MAPK8IP2: variants seen among roughly 807,000 people sequenced by gnomAD.
MAPK8IP2 encodes mitogen-activated protein kinase 8 interacting protein 2.
Under a neutral mutation model 75.6 loss-of-function variants are expected in MAPK8IP2, and 15 were observed. The observed-to-expected ratio is 0.20, with a 90% CI of 0.13 to 0.31. The LOEUF is 0.31. MAPK8IP2 is among the 10% of genes least tolerant of loss of function. The pLI is 1.00. For missense variants in MAPK8IP2, 1,089 were observed against 1,211.2 expected (o/e 0.90, Z 1.50); for synonymous variants, 632 against 554.5 (o/e 1.14, Z -1.96).
In MAPK8IP2 at chr22:50,606,955, A is replaced by G. The variant is rs1285655505; in HGVS notation, c.2267A>G (p.Asn756Ser). 1.2e-6 allele frequency: 2 copies of G among 1,613,734 alleles called. No individual in the cohort carries two copies. Among genetic ancestry groups the G allele is most frequent in the African/African-American group, 2.7e-5 (2 of 74,922 alleles). The change falls in exon 10 of 12, where the codon AAC becomes AGC. Residue 756 changes from asparagine (N) to serine (S), a missense_variant. This residue lies in a region of MAPK8IP2 where 129 missense variants were observed against 201.7 expected (regional missense o/e 0.64). Coordinates refer to ENST00000329492, the MANE Select transcript of MAPK8IP2 (RefSeq NM_012324.6). Reference sequence around the variant, plus strand: ...TGCAGCCATTTCTTCCAGATGAAGAACATCTCCTTCTGCGGCTGCCATCCC... The same window carrying G: ...TGCAGCCATTTCTTCCAGATGAAGAGCATCTCCTTCTGCGGCTGCCATCCC... ...QRCSHFFQMK[N>S]ISFCGCHPRN...
At chr22:50,601,584 G>C (rs917383845) in intron 1 of MAPK8IP2, 12 of 547,116 alleles carry the variant, frequency 2.2e-5, no homozygotes, top group Middle Eastern at 1.0e-3. Flanking sequence ...TGGCTCCTCC[G>C]GGCAGGCCTG....
In MAPK8IP2 at chr22:50,605,593, C is replaced by G. The variant is rs752799948; in HGVS notation, c.1873C>G (p.Leu625Val). The change falls in exon 7 of 12, where the codon CTG becomes GTG. Residue 625 changes from leucine (L) to valine (V), a missense_variant. Around this residue, in one of 2 missense-constraint regions of MAPK8IP2, gnomAD observed 960 missense variants for 1,009.6 expected, o/e 0.95. Transcript: ENST00000329492. ...FIPRHPDELE[L>V]DVDDPVLVEA... ...CCCGCGGCATCCAGACGAGCTGGAG[C>G]TGGATGTGGATGACCCTGTGTTGGT... The G allele has an allele frequency of 1.0e-5, 16 of 1,597,766 alleles. No homozygotes were observed. The highest frequency in any genetic ancestry group is 1.3e-5 in the African/African-American group (1 of 74,564).
In MAPK8IP2 at chr22:50,607,366, G is replaced by T. The variant is rs1000076481; in HGVS notation, c.2303+375G>T. Reference sequence around the variant, plus strand: ...GGGGTCTAGCTGAGCCAAGGGTGTGGGATGCACTGGTCGGGGGCTATATAG... The same window carrying T: ...GGGGTCTAGCTGAGCCAAGGGTGTGTGATGCACTGGTCGGGGGCTATATAG... On this transcript the variant is annotated intron_variant, in intron 10 of 11. Coordinates refer to ENST00000329492, the MANE Select transcript of MAPK8IP2 (RefSeq NM_012324.6). This position sits in a 1 kb window ranked among gnomAD's most constrained non-coding sequence, Gnocchi z 5.6. 2.6e-5 allele frequency among the ~76,000 whole-genome samples: 4 copies of T among 152,206 alleles called. No homozygotes were observed. Among genetic ancestry groups the T allele is most frequent in the African/African-American group, 9.7e-5 (4 of 41,444 alleles).
Position 50,605,718 on chromosome 22 carries a change from T to A in MAPK8IP2, c.1998T>A (p.Pro666=). The stretch of plus-strand genomic sequence containing the variant: ...TCTACGCCCATGCGGTGCCCGGCCC[T>A]GCCAAGGACCTGCTGGGTGAGGTCC... ...PAFYAHAVPG[P]AKDLLGSKRS... is the part of the protein sequence containing the mutation. Residue 666 remains proline (P), a synonymous_variant, in exon 7 of 12, where the codon CCT becomes CCA. Transcript: ENST00000329492. 1 of 1,609,326 alleles carries A rather than the reference T, an allele frequency of 6.2e-7. No individual in the cohort carries two copies. The highest frequency in any genetic ancestry group is 1.3e-5 in the African/African-American group (1 of 75,024).
At position 50,604,439 on chromosome 22, in the gene MAPK8IP2, C is replaced by T. The variant is rs1267728537; in HGVS notation, c.1140C>T (p.Pro380=). The T allele has an allele frequency of 2.8e-6, 4 of 1,409,794 alleles. No individual in the cohort carries two copies. Among genetic ancestry groups the T allele is most frequent in the East Asian group, 6.1e-5 (2 of 32,582 alleles). The allele number at this position is 1,409,794 out of a possible 1,614,324, so 87.3% of individuals were successfully genotyped here. A position where few individuals can be genotyped will look rare whatever the true frequency, so the allele number is the denominator to read the frequency against. The part of the protein sequence containing the change: ...GQCLSPAPRP[P]GEPVSPAGGA... The stretch of plus-strand genomic sequence containing the variant: ...GCCTGTCTCCTGCGCCGCGCCCGCC[C>T]GGGGAGCCCGTGTCGCCGGCCGGCG... Residue 380 remains proline (P), a synonymous_variant, in exon 5 of 12, where the codon CCC becomes CCT. Transcript: ENST00000329492.
rs2071124921 is a variant in MAPK8IP2 at position 50,610,236 on chromosome 22, C to T, written c.2328C>T (p.His776=). The T allele has an allele frequency of 3.7e-6, 6 of 1,603,020 alleles. No homozygotes were observed. Among genetic ancestry groups the T allele is most frequent in the Non-Finnish European group, 5.1e-6 (6 of 1,175,414 alleles). ...NSCYFGFITK[H]PLLSRFACHV... is the part of the protein sequence containing the mutation. ...GCTATTTCGGCTTCATCACCAAACA[C>T]CCCCTGCTGAGCCGCTTCGCCTGCC... is the stretch of plus-strand genomic sequence containing the variant. The change falls in exon 11 of 12, where the codon CAC becomes CAT. Residue 776 remains histidine (H), a synonymous_variant. Transcript: ENST00000329492. The surrounding 1 kb of genome is among the most constrained non-coding windows in gnomAD (Gnocchi z 4.3).
rs776870575 is a variant in MAPK8IP2 at position 50,610,162 on chromosome 22, C to T, written c.2304-50C>T. 2.5e-5 allele frequency: 36 copies of T among 1,445,008 alleles called. No individual in the cohort carries two copies. The Middle Eastern group carries it at 5.1e-4, about 21-fold the overall frequency. 89.5% of individuals were successfully genotyped at this position (1,445,008 alleles called of 1,614,324 possible). On this transcript the variant is annotated intron_variant, in intron 10 of 11. Coordinates refer to ENST00000329492, the MANE Select transcript of MAPK8IP2 (RefSeq NM_012324.6). This position sits in a 1 kb window ranked among gnomAD's most constrained non-coding sequence, Gnocchi z 4.3. ...CTCTCTACATCATTTGTGGGGTGGC[C>T]AAGGCTGGGCCAGGGCTCTGACGTG...
chr22:50,611,129 G>T lies in MAPK8IP2; in HGVS notation c.*350G>T. ...CTTCACTTTGGGGTCAGAACTTCGG[G>T]GGTGTGGAGGAGGTGCGGCTCTAGG... On this transcript the variant is annotated 3_prime_UTR_variant, in exon 12 of 12. Transcript: ENST00000329492. The surrounding 1 kb of genome is among the most constrained non-coding windows in gnomAD (Gnocchi z 5.5). The T allele has an allele frequency of 4.3e-6, 1 of 231,296 alleles. No individual in the cohort carries two copies. The allele number at this position is 231,296 out of a possible 1,614,324, so 14.3% of individuals were successfully genotyped here. A position where few individuals can be genotyped will look rare whatever the true frequency, so the allele number is the denominator to read the frequency against.
rs1366612046 is a variant in MAPK8IP2 at position 50,604,025 on chromosome 22, A to G, written c.726A>G (p.Gly242=). Residue 242 remains glycine (G), a synonymous_variant, in exon 5 of 12, where the codon GGA becomes GGG. Transcript: ENST00000329492. ...GCCGCTCGAGCGGCGGCCGCGGGGG[A>G]CGTCGCAGCAGCCAGGAGCTGTCCT... ...LRSRSSGGRG[G]RRSSQELSSP... The G allele has an allele frequency of 6.5e-7, 1 of 1,549,214 alleles. No homozygotes were observed. The highest frequency in any genetic ancestry group is 8.7e-7 in the Non-Finnish European group (1 of 1,156,052).
At position 50,600,802 on chromosome 22, in the gene MAPK8IP2, G is replaced by C; in HGVS notation, c.-17G>C. ...TCCCGCACCCCCCGCCGCAGTCGCG[G>C]GCCTCTCCCGGAGAAGATGGCGGAT... On this transcript the variant is annotated 5_prime_UTR_variant, in exon 1 of 12. Coordinates refer to ENST00000329492, the MANE Select transcript of MAPK8IP2 (RefSeq NM_012324.6). 8.0e-7 allele frequency: 1 copy of C among 1,254,166 alleles called. No individual in the cohort carries two copies. Among genetic ancestry groups the C allele is most frequent in the Non-Finnish European group, 1.0e-6 (1 of 971,472 alleles). The allele number at this position is 1,254,166 out of a possible 1,614,324, so 77.7% of individuals were successfully genotyped here.
At position 50,606,941 on chromosome 22, in the gene MAPK8IP2, C is replaced by T. The variant is rs1312673523; in HGVS notation, c.2253C>T (p.Phe751=). 3.7e-6 allele frequency: 6 copies of T among 1,613,936 alleles called. No individual in the cohort carries two copies. Among genetic ancestry groups the T allele is most frequent in the South Asian group, 1.1e-5 (1 of 91,090 alleles). The change falls in exon 10 of 12, where the codon TTC becomes TTT. Residue 751 remains phenylalanine (F), a synonymous_variant. Transcript: ENST00000329492. ...TCTAGTTCCAGCGCTGCAGCCATTTCTTCCAGATGAAGAACATCTCCTTCT... is the reference window on the plus strand; with the variant it reads ...TCTAGTTCCAGCGCTGCAGCCATTTTTTCCAGATGAAGAACATCTCCTTCT... ...GGPEFQRCSH[F]FQMKNISFCG...
At chr22:50,602,350 T>C (rs2070952898) in intron 2 of MAPK8IP2, among the ~76,000 whole-genome samples, 1 of 152,268 alleles carries the variant, frequency 6.6e-6, no homozygotes, top group Non-Finnish European at 1.5e-5. Flanking sequence ...TCTCCACATT[T>C]CTGCTTTCAT....
Position 50,611,090 on chromosome 22 carries a change from C to A in MAPK8IP2, c.*311C>A. ...CTCTGCCCCTCTCTGTGCCTGCAAA[C>A]CTTATCCTCTATTCTTCACTTTGGG... On this transcript the variant is annotated 3_prime_UTR_variant, in exon 12 of 12. Coordinates refer to ENST00000329492, the MANE Select transcript of MAPK8IP2 (RefSeq NM_012324.6). This position sits in a 1 kb window ranked among gnomAD's most constrained non-coding sequence, Gnocchi z 5.5. 1 of 336,806 alleles carries A rather than the reference C, an allele frequency of 3.0e-6. No homozygotes were observed. Among genetic ancestry groups the A allele is most frequent in the Non-Finnish European group, 5.4e-6 (1 of 184,772 alleles). The allele number at this position is 336,806 out of a possible 1,614,324, so 20.9% of individuals were successfully genotyped here. A position where few individuals can be genotyped will look rare whatever the true frequency, so the allele number is the denominator to read the frequency against.
rs1002887264 is a variant in MAPK8IP2 at position 50,605,153 on chromosome 22, G to T, written c.1765+89G>T. ...CCCAGGGTCCCCCACAGTGCCCAGGGCCACCTGAGGGTCTGGCTGTGGTCA... is the reference window on the plus strand; with the variant it reads ...CCCAGGGTCCCCCACAGTGCCCAGGTCCACCTGAGGGTCTGGCTGTGGTCA... On this transcript the variant is annotated intron_variant, in intron 5 of 11. Transcript: ENST00000329492. The T allele has an allele frequency of 7.5e-6, 11 of 1,468,482 alleles. No individual in the cohort carries two copies. The Admixed American group carries it at 1.6e-4, about 21-fold the overall frequency. The allele number at this position is 1,468,482 out of a possible 1,614,324, so 91.0% of individuals were successfully genotyped here.
chr22:50,608,663 CA>C (rs1368060767), intron 10 of MAPK8IP2, among the ~76,000 whole-genome samples: 1 of 115,822 alleles, frequency 8.6e-6, no homozygotes, highest in Non-Finnish European at 1.7e-5. Flanking sequence ...GGACAGCGGG[CA>C]GGGGCGCAGA....
chr22:50,606,493 G>T (rs1332210574), intron 8 of MAPK8IP2, among the ~76,000 whole-genome samples, 165 bp from the exon 9 acceptor site: 1 of 152,248 alleles, frequency 6.6e-6, no homozygotes, highest in African/African-American at 2.4e-5. Flanking sequence ...CCTGAGGAGT[G>T]GCCAAGGCCA....
Position 50,604,013 on chromosome 22 carries a change from C to A in MAPK8IP2, c.714C>A (p.Gly238=). Residue 238 remains glycine (G), a synonymous_variant, in exon 5 of 12, where the codon GGC becomes GGA. Coordinates refer to ENST00000329492, the MANE Select transcript of MAPK8IP2 (RefSeq NM_012324.6). ...IEADLRSRSS[G]GRGGRRSSQE... ...CTGACCTGAGAAGCCGCTCGAGCGG[C>A]GGCCGCGGGGGACGTCGCAGCAGCC... 1 of 1,556,166 alleles carries A rather than the reference C, an allele frequency of 6.4e-7. No individual in the cohort carries two copies. The highest frequency in any genetic ancestry group is 8.6e-7 in the Non-Finnish European group (1 of 1,159,108).
chr22:50,603,740 G>A (rs1208275605), intron 4 of MAPK8IP2, 21 bp downstream of exon 4: 2 of 1,553,246 alleles, frequency 1.3e-6, no homozygotes, highest in African/African-American at 1.4e-5. Context: ...GTGGGCCCGC[G>A]GGGCGCGGGG....
chr22:50,612,590 C>T lies in MAPK8IP2; in HGVS notation c.*1811C>T, dbSNP rs1266534648. 2 of 152,316 alleles carry T rather than the reference C, an allele frequency of 1.3e-5. No homozygotes were observed. Among genetic ancestry groups the T allele is most frequent in the African/African-American group, 4.8e-5 (2 of 41,448 alleles). 9.4% of individuals were successfully genotyped at this position (152,316 alleles called of 1,614,324 possible). ...GTGTGCAGCGCACAGACCTGAGGCC[C>T]CAGAGAGACCGAGGACGCAGACCAG... On this transcript the variant is annotated 3_prime_UTR_variant, in exon 12 of 12. Transcript: ENST00000329492.
Sources: allele counts gnomAD v4.1 joint callset (sites outside exome capture counted in the v4.1 genomes callset), GRCh38; gene constraint gnomAD v4.1.1; regional missense constraint gnomAD v4.1.1; non-coding constraint Gnocchi (gnomAD v3.1); transcripts MANE v1.5; gene names NCBI Gene and HGNC (gene_info 2026-07-23, HGNC 2026-07-21).